ADCY2: variants seen among roughly 807,000 people sequenced by gnomAD.
The protein encoded by ADCY2 is adenylate cyclase 2, also known as adenylate cyclase type 2.
A neutral mutation model predicts 125.2 loss-of-function variants in ADCY2; 31 were observed. That is an observed-to-expected ratio of 0.25 (90% confidence interval 0.19 to 0.33). The LOEUF is 0.33. Ranked by LOEUF, ADCY2 falls within the 10% of genes least tolerant of loss-of-function variation. The pLI is 1.00. For missense variants in ADCY2, 904 were observed against 1,418.2 expected, an observed-to-expected ratio of 0.64 and a Z score of 5.82; for synonymous variants, 512 against 548.4, an observed-to-expected ratio of 0.93 and a Z score of 0.93.
At chr5:7,501,191 G>C (rs1743553809) in intron 2 of ADCY2, among the ~76,000 whole-genome samples, 1 of 149,700 alleles carries the variant, frequency 6.7e-6, no homozygotes. Context: ...TGAGGCTGTT[G>C]ACAAGATGTT....
intron 4 of ADCY2, among the ~76,000 whole-genome samples, chr5:7,669,347 A>G (rs1331515203): frequency 1.3e-5 from 2 of 152,194 alleles, no homozygotes; most frequent in Non-Finnish European, 2.9e-5. Context: ...TGGACACGGT[A>G]GGTCAGAGGG....
At chr5:7,674,443 C>A (rs1026154113) in intron 4 of ADCY2, among the ~76,000 whole-genome samples, 1 of 152,174 alleles carries the variant, frequency 6.6e-6, no homozygotes, top group East Asian at 1.9e-4. Flanking sequence ...CGAGTGTGCT[C>A]ACCCCCTGGA....
intron 3 of ADCY2, among the ~76,000 whole-genome samples, chr5:7,534,528 G>A (rs1465051324): frequency 6.6e-6 from 1 of 152,190 alleles, no homozygotes; most frequent in Non-Finnish European, 1.5e-5. Context: ...CAAAGATAAA[G>A]AGAGTGAGCA....
intron 2 of ADCY2, among the ~76,000 whole-genome samples, chr5:7,481,795 T>C (rs529115465): frequency 2.2e-3 from 314 of 144,128 alleles, no homozygotes; most frequent in Non-Finnish European, 3.6e-3. Flanking sequence ...TGTGTGTGTG[T>C]GCAGAAGCTT....
chr5:7,592,159 T>C (rs1182171360), intron 3 of ADCY2, among the ~76,000 whole-genome samples: 3 of 152,226 alleles, frequency 2.0e-5, no homozygotes, highest in Non-Finnish European at 4.4e-5. Flanking sequence ...TTTAGAAAAG[T>C]ATCTCCCATT....
chr5:7,442,875 C>T (rs1741065931), intron 2 of ADCY2, among the ~76,000 whole-genome samples: 1 of 152,086 alleles, frequency 6.6e-6, no homozygotes, highest in Non-Finnish European at 1.5e-5. Context: ...TTTTGGAGGG[C>T]ATCACATAAA....
chr5:7,667,372 A>T (rs1006973147), intron 4 of ADCY2, among the ~76,000 whole-genome samples: 1 of 152,166 alleles, frequency 6.6e-6, no homozygotes, highest in Non-Finnish European at 1.5e-5. Flanking sequence ...TTTCAGGCTA[A>T]AGAGACCTCA....
chr5:7,611,152 AG>A (rs1737561025), intron 3 of ADCY2: 1 of 152,194 alleles, frequency 6.6e-6, no homozygotes, highest in Non-Finnish European at 1.5e-5. Flanking sequence ...ATGAGTTATG[AG>A]GACACTCTCT....
chr5:7,621,399 G>A (rs937576060), intron 3 of ADCY2, among the ~76,000 whole-genome samples: 2 of 152,222 alleles, frequency 1.3e-5, no homozygotes, highest in Non-Finnish European at 2.9e-5. Context: ...AATAACATGT[G>A]TCTCTTTAGA....
At chr5:7,660,658 C>A (rs1287823213) in intron 4 of ADCY2, among the ~76,000 whole-genome samples, 1 of 152,092 alleles carries the variant, frequency 6.6e-6, no homozygotes, top group Non-Finnish European at 1.5e-5. Context: ...AGGTAGAATT[C>A]TTTCTTCTTC....
Position 7,802,088 on chromosome 5 carries a change from TG to T in ADCY2, c.2629-126del. 9.8e-7 allele frequency: 1 copy of T among 1,019,468 alleles called. No homozygotes were observed. Among genetic ancestry groups the T allele is most frequent in the Non-Finnish European group, 1.4e-6 (1 of 706,142 alleles). 63.2% of individuals were successfully genotyped at this position (1,019,468 alleles called of 1,614,324 possible). On this transcript the variant is annotated intron_variant, in intron 20 of 24. Transcript: ENST00000338316. The surrounding 1 kb of genome is among the most constrained non-coding windows in gnomAD (Gnocchi z 4.6). ...CATCTGGATTGGGCCGCGGCTGGGG[TG>T]GGGCAAGTGGAGTAGGCATTTGGGC...
intron 7 of ADCY2, among the ~76,000 whole-genome samples, chr5:7,703,963 C>A (rs1377392068): frequency 1.3e-5 from 2 of 148,538 alleles, no homozygotes; most frequent in Non-Finnish European, 2.9e-5. Flanking sequence ...GATCACACCA[C>A]TGCACTTCAG....
At chr5:7,731,239 TG>T (rs1464486528) in intron 14 of ADCY2, among the ~76,000 whole-genome samples, 1 of 151,592 alleles carries the variant, frequency 6.6e-6, no homozygotes, top group Non-Finnish European at 1.5e-5. Context: ...AATTTTGTTT[TG>T]TTTTCCTTGC....
intron 3 of ADCY2, among the ~76,000 whole-genome samples, chr5:7,539,312 T>C (rs1734919298): frequency 6.6e-6 from 1 of 151,926 alleles, no homozygotes; most frequent in Non-Finnish European, 1.5e-5. Flanking sequence ...AAGCAACTGC[T>C]ATATTCCAGT....
At chr5:7,669,767 G>T (rs933904110) in intron 4 of ADCY2, among the ~76,000 whole-genome samples, 1 of 152,152 alleles carries the variant, frequency 6.6e-6, no homozygotes, top group African/African-American at 2.4e-5. Flanking sequence ...CACTGCTGCC[G>T]GCAATGGGGA....
chr5:7,583,259 A>G (rs1001393108), intron 3 of ADCY2, among the ~76,000 whole-genome samples: 1 of 152,000 alleles, frequency 6.6e-6, no homozygotes, highest in Admixed American at 6.6e-5. Context: ...TAGGATGAAA[A>G]TTTTCTCAAG....
chr5:7,767,865 C>T (rs1743437128), intron 17 of ADCY2, among the ~76,000 whole-genome samples: 1 of 151,864 alleles, frequency 6.6e-6, no homozygotes, highest in South Asian at 2.1e-4. Flanking sequence ...CCCGTCTCTA[C>T]TAAAAATAAA....
intron 12 of ADCY2, among the ~76,000 whole-genome samples, chr5:7,720,402 T>A (rs1441988450): frequency 2.0e-5 from 3 of 152,300 alleles, no homozygotes; most frequent in Middle Eastern, 3.4e-3. Context: ...CAAGTCACAT[T>A]TTTTTATTAT....
At chr5:7,471,739 A>G (rs551246795) in intron 2 of ADCY2, among the ~76,000 whole-genome samples, 22 of 151,772 alleles carry the variant, frequency 1.4e-4, no homozygotes, top group Middle Eastern at 3.4e-3. Flanking sequence ...TAAGTTCTAT[A>G]TGTTTTGCTT....
Sources: allele counts gnomAD v4.1 joint callset (sites outside exome capture counted in the v4.1 genomes callset), GRCh38; gene constraint gnomAD v4.1.1; non-coding constraint Gnocchi (gnomAD v3.1); transcripts MANE v1.5; gene names NCBI Gene and HGNC (gene_info 2026-07-23, HGNC 2026-07-21).